SKP2: variants seen among roughly 807,000 people sequenced by gnomAD.
SKP2 encodes the protein S-phase kinase associated protein 2.
A neutral mutation model predicts 51.8 loss-of-function variants in SKP2; 16 were observed. The observed-to-expected ratio is 0.31, with a 90% CI of 0.21 to 0.47. SKP2 has a LOEUF of 0.47. SKP2 is among the 20% of genes least tolerant of loss of function. The pLI, the probability that SKP2 is intolerant of heterozygous loss-of-function variation, is 1.00. For synonymous variants in SKP2, 176 were observed against 198.6 expected (o/e 0.89, Z 0.96); for missense variants, 377 against 505.3 (o/e 0.75, Z 2.43).
intron 6 of SKP2, among the ~76,000 whole-genome samples, chr5:36,192,069 A>T (rs926636084): frequency 3.9e-5 from 6 of 152,202 alleles, no homozygotes; most frequent in African/African-American, 1.4e-4. Flanking sequence ...CACTTAAAAT[A>T]TGCTTTTCTA....
chr5:36,168,222 C>T, intron 4 of SKP2, 91 bp from the exon 5 acceptor site: 1 of 1,198,992 alleles, frequency 8.3e-7, no homozygotes, highest in Non-Finnish European at 1.2e-6. Context: ...TTGTGATTGG[C>T]TGCTCATTTG....
intron 2 of SKP2, among the ~76,000 whole-genome samples, chr5:36,156,855 C>T (rs538285410): frequency 4.6e-5 from 7 of 152,146 alleles, no homozygotes; most frequent in South Asian, 2.1e-4. Context: ...GATTCTGATC[C>T]GGGGAGTCCT....
At position 36,181,914 on chromosome 5, in the gene SKP2, A is replaced by G. The variant is rs1184535006; in HGVS notation, c.1158A>G (p.Leu386=). Residue 386 remains leucine (L), a synonymous_variant, in exon 10 of 10, where the codon CTA becomes CTG. Transcript: ENST00000274255. ...LQLLKEALPH[L]QINCSHFTTI... ...TGTTAAAGGAAGCCCTTCCTCATCT[A>G]CAGATTAATTGCTCCCATTTCACCA... The G allele has an allele frequency of 1.2e-6, 2 of 1,614,162 alleles. No homozygotes were observed. The highest frequency in any genetic ancestry group is 1.1e-5 in the South Asian group (1 of 91,084).
chr5:36,158,449 G>A (rs1259470132), intron 2 of SKP2, among the ~76,000 whole-genome samples: 2 of 152,172 alleles, frequency 1.3e-5, no homozygotes, highest in Non-Finnish European at 1.5e-5. Context: ...ACCCCCACCC[G>A]GGGCCCCTAG....
chr5:36,159,843 A>G (rs1011226986), intron 2 of SKP2, among the ~76,000 whole-genome samples: 1 of 152,224 alleles, frequency 6.6e-6, no homozygotes, highest in Admixed American at 6.5e-5. Flanking sequence ...TGGGGGACCC[A>G]AACTTAAATA....
intron 9 of SKP2, 42 bp downstream of exon 9, chr5:36,177,334 A>G: frequency 8.5e-7 from 1 of 1,172,576 alleles, no homozygotes; most frequent in Non-Finnish European, 1.3e-6. Flanking sequence ...AAGGCAGGAA[A>G]CAACAGAGAT....
At chr5:36,177,406 A>G in intron 9 of SKP2, 114 bp downstream of exon 9, 2 of 750,872 alleles carry the variant, frequency 2.7e-6, no homozygotes, top group Non-Finnish European at 4.9e-6. Context: ...ATTAGTAATA[A>G]GTATACCACA....
At chr5:36,190,060 C>T (rs1745992792) in intron 6 of SKP2, among the ~76,000 whole-genome samples, 1 of 152,182 alleles carries the variant, frequency 6.6e-6, no homozygotes, top group African/African-American at 2.4e-5. Context: ...TTTGTTAAGA[C>T]CATTGGAAAA....
chr5:36,165,147 A>G (rs999491029), intron 3 of SKP2, among the ~76,000 whole-genome samples: 6 of 152,160 alleles, frequency 3.9e-5, no homozygotes, highest in South Asian at 2.1e-4. Flanking sequence ...AGTGTTTGCA[A>G]TTTAATCCTC....
At chr5:36,167,759 C>T (rs1423026560) in intron 4 of SKP2, among the ~76,000 whole-genome samples, 2 of 152,118 alleles carry the variant, frequency 1.3e-5, no homozygotes, top group Non-Finnish European at 2.9e-5. Flanking sequence ...CTGGGGACTA[C>T]AGGTGTGCGC....
Position 36,166,423 on chromosome 5 carries a change from A to G in SKP2, c.393-96A>G, listed in dbSNP as rs1745290536. On this transcript the variant is annotated intron_variant, in intron 3 of 9. Coordinates refer to ENST00000274255, the MANE Select transcript of SKP2 (RefSeq NM_005983.4). ...TTCTTTTAGAATATGCTTCAAGGAG[A>G]TTTAGCAGCAGTGTCCTACCTGTTA... The G allele has an allele frequency of 1.5e-5, 15 of 1,002,720 alleles. No homozygotes were observed. The South Asian group carries it at 2.2e-4, about 15-fold the overall frequency. 62.1% of individuals were successfully genotyped at this position (1,002,720 alleles called of 1,614,324 possible). A position where few individuals can be genotyped will look rare whatever the true frequency, so the allele number is the denominator to read the frequency against.
Position 36,184,243 on chromosome 5 carries a change from G to GGCT in SKP2, c.*2213_*2215dup, listed in dbSNP as rs1745909052. ...AAGTTTATAATGCCTTTATAAAAGG[G>GGCT]GCTAATACAGTCTTGTTATCTTTTT... On this transcript the variant is annotated 3_prime_UTR_variant, in exon 10 of 10. Coordinates refer to ENST00000274255, the MANE Select transcript of SKP2 (RefSeq NM_005983.4). The GGCT allele has an allele frequency of 3.4e-6, 1 of 290,748 alleles. No individual in the cohort carries two copies. The highest frequency in any genetic ancestry group is 8.8e-5 in the South Asian group (1 of 11,360). 18.0% of individuals were successfully genotyped at this position (290,748 alleles called of 1,614,324 possible). A position where few individuals can be genotyped will look rare whatever the true frequency, so the allele number is the denominator to read the frequency against.
intron 2 of SKP2, among the ~76,000 whole-genome samples, chr5:36,163,017 C>T (rs1745172925): frequency 6.6e-6 from 1 of 152,120 alleles, no homozygotes; most frequent in Non-Finnish European, 1.5e-5. Flanking sequence ...ACCAGGTAAC[C>T]GTCCCCATGA....
rs1579546011 is a variant in SKP2, at chr5:36,155,010, A to G, written c.280+1968A>G. 5 of 152,320 alleles carry G rather than the reference A, an allele frequency of 3.3e-5. 1 individual carries two copies. In the Middle Eastern group the frequency reaches 0.017, roughly 518 times the overall value. 9.4% of individuals were successfully genotyped at this position (152,320 alleles called of 1,614,324 possible). ...CGAAGAAGAAACAGATTAAACATTT[A>G]AAGATGAAGTCTTGCAGACCCAAGG... On this transcript the variant is annotated intron_variant, in intron 2 of 9. Coordinates refer to ENST00000274255, the MANE Select transcript of SKP2 (RefSeq NM_005983.4).
intron 6 of SKP2, among the ~76,000 whole-genome samples, chr5:36,190,347 G>A (rs540090928): frequency 7.2e-5 from 11 of 152,154 alleles, no homozygotes; most frequent in African/African-American, 1.9e-4. Flanking sequence ...GTTCCTATTC[G>A]GCCATCTTGG....
chr5:36,155,036 T>A (rs962639185), intron 2 of SKP2: 18 of 152,212 alleles, frequency 1.2e-4, no homozygotes, highest in African/African-American at 4.1e-4. Context: ...AGACCCAAGG[T>A]AATTTAAGTA....
At chr5:36,186,929 T>C (rs1279546389), downstream of SKP2, among the ~76,000 whole-genome samples, 1 of 152,228 alleles carries the variant, frequency 6.6e-6, no homozygotes, top group East Asian at 1.9e-4. Context: ...GAGCCTGTTA[T>C]TGGTCTATTC....
intron 7 of SKP2, chr5:36,193,474 C>CAAAAAAAAA: frequency 1.7e-5 from 1 of 60,430 alleles, no homozygotes; most frequent in Non-Finnish European, 3.4e-5. Flanking sequence ...ACTCCGTTCT[C>CAAAAAAAAA]AAAAAAAAAA....
intron 6 of SKP2, among the ~76,000 whole-genome samples, chr5:36,171,372 C>A (rs1197823379): frequency 2.0e-5 from 3 of 152,130 alleles, no homozygotes; most frequent in Non-Finnish European, 2.9e-5. Context: ...TGCTTCTCTC[C>A]ATTTCGAGGA....
Sources: allele counts gnomAD v4.1 joint callset (sites outside exome capture counted in the v4.1 genomes callset), GRCh38; gene constraint gnomAD v4.1.1; transcripts MANE v1.5; gene names NCBI Gene and HGNC (gene_info 2026-07-23, HGNC 2026-07-21).